The following NUP107 variants were observed in gnomAD, a reference collection of about 807,000 sequenced individuals.
The protein encoded by NUP107 is nuclear pore complex protein Nup107.
NUP107 carries 101 observed loss-of-function variants against 141.0 expected under a neutral mutation model. The ratio of observed to expected loss-of-function variants is 0.72; its 90% CI spans 0.61 to 0.84. The LOEUF (loss-of-function observed/expected upper bound fraction) is 0.84, where lower values mean the gene tolerates loss of function less well. Among genes scored for constraint, NUP107 ranks in the 40% least tolerant of loss-of-function variants. NUP107 has a pLI of 0.00. For synonymous variants in NUP107, 319 were observed against 363.9 expected (o/e 0.88, Z 1.41); for missense variants, 941 against 1,102.7 (o/e 0.85, Z 2.08).
chr12:68,687,200 TC>T, intron 1 of NUP107, 127 bp downstream of exon 1: 2 of 1,335,474 alleles, frequency 1.5e-6, no homozygotes, highest in Non-Finnish European at 2.1e-6. Flanking sequence ...TAAGGCTCCT[TC>T]CCCATGCCGG....
intron 10 of NUP107, among the ~76,000 whole-genome samples, chr12:68,711,440 A>G (rs925065615): frequency 1.3e-5 from 2 of 150,222 alleles, no homozygotes. Context: ...TTAAATACTG[A>G]TATGACAGGA....
intron 20 of NUP107, among the ~76,000 whole-genome samples, chr12:68,730,248 C>T (rs1015548167): frequency 1.7e-4 from 15 of 89,904 alleles, no homozygotes; most frequent in Non-Finnish European, 1.8e-4. Context: ...GAGAGTCTCA[C>T]TGTCACCCAG....
chr12:68,704,081 T>TA (rs1036905783), intron 8 of NUP107, among the ~76,000 whole-genome samples: 6 of 151,012 alleles, frequency 4.0e-5, no homozygotes, highest in Admixed American at 6.6e-5. Context: ...TTCTAAAAAA[T>TA]AAAAAAAAAG....
Position 68,743,053 on chromosome 12 carries a change from C to T in NUP107, c.*591C>T, listed in dbSNP as rs1878387191. On this transcript the variant is annotated 3_prime_UTR_variant, in exon 28 of 28. Coordinates refer to ENST00000229179, the MANE Select transcript of NUP107 (RefSeq NM_020401.4). ...AATATATTGGAGATTACAGATCCCG[C>T]TCTTCTAATAGGGGAAATACCATAA... is the stretch of plus-strand genomic sequence containing the variant. The T allele has an allele frequency of 6.6e-6, 1 of 152,202 alleles. No individual in the cohort carries two copies. The highest frequency in any genetic ancestry group is 2.4e-5 in the African/African-American group (1 of 41,424). 9.4% of individuals were successfully genotyped at this position (152,202 alleles called of 1,614,324 possible). A position where few individuals can be genotyped will look rare whatever the true frequency, so the allele number is the denominator to read the frequency against.
intron 5 of NUP107, among the ~76,000 whole-genome samples, chr12:68,696,440 C>T (rs778549659): frequency 1.3e-5 from 2 of 151,992 alleles, no homozygotes; most frequent in Admixed American, 6.6e-5. Flanking sequence ...AGGCTGGGTG[C>T]GGTGGCTCAC....
intron 11 of NUP107, among the ~76,000 whole-genome samples, chr12:68,715,346 T>C (rs1168961796): frequency 6.6e-6 from 1 of 151,988 alleles, no homozygotes; most frequent in Non-Finnish European, 1.5e-5. Flanking sequence ...ATACAAAAAT[T>C]AGCTGGGCGT....
intron 14 of NUP107, among the ~76,000 whole-genome samples, chr12:68,720,168 A>T (rs1364951957): frequency 2.0e-5 from 3 of 152,196 alleles, no homozygotes; most frequent in Non-Finnish European, 4.4e-5. Context: ...AGGGAAATGG[A>T]GTTAAGAGAA....
intron 17 of NUP107, 37 bp from the exon 18 acceptor site, chr12:68,725,690 T>G (rs771040584): frequency 9.6e-7 from 1 of 1,036,588 alleles, no homozygotes; most frequent in Non-Finnish European, 1.5e-6. Flanking sequence ...GAATGACTGC[T>G]AGAAGATTTA....
In NUP107 at chr12:68,690,724, G is replaced by T. The variant is rs1875743677; in HGVS notation, c.281G>T (p.Gly94Val). The change falls in exon 4 of 28, where the codon GGG (glycine) becomes GTG (valine). Residue 94 changes from glycine (G) to valine (V), a missense_variant. Physicochemically the swap from Gly to Val is moderately radical, Grantham distance 109 (BLOSUM62 -3). Transcript: ENST00000229179. ...TCGCCCCGACTTACGCAGTCTTCAG[G>T]GTTCTTTGGAAATCTCTCCATGGTA... ...GKSPRLTQSS[G>V]FFGNLSMVTN... 2 of 1,614,070 alleles carry T rather than the reference G, an allele frequency of 1.2e-6. No individual in the cohort carries two copies. Among genetic ancestry groups the T allele is most frequent in the Non-Finnish European group, 1.7e-6 (2 of 1,179,998 alleles).
chr12:68,735,840 G>C, intron 26 of NUP107, among the ~76,000 whole-genome samples: 1 of 152,100 alleles, frequency 6.6e-6, no homozygotes, highest in Non-Finnish European at 1.5e-5. Flanking sequence ...ATAATATATA[G>C]CCTGTGTTGA....
chr12:68,736,642 T>C (rs534449076), intron 26 of NUP107, among the ~76,000 whole-genome samples: 5 of 152,108 alleles, frequency 3.3e-5, no homozygotes, highest in Admixed American at 3.3e-4. Flanking sequence ...GTCTTGAACT[T>C]CTAGCCTCAA....
At chr12:68,692,405 C>G (rs1875844381) in intron 5 of NUP107, among the ~76,000 whole-genome samples, 2 of 151,922 alleles carry the variant, frequency 1.3e-5, no homozygotes, top group Admixed American at 1.3e-4. Flanking sequence ...ATGGTGAAAC[C>G]TCGTCTCTAC....
intron 1 of NUP107, 119 bp downstream of exon 1, chr12:68,687,192 A>G (rs1430176647): frequency 1.4e-6 from 2 of 1,392,638 alleles, no homozygotes; most frequent in African/African-American, 2.9e-5. Context: ...GCTTCCCCTA[A>G]GGCTCCTTCC....
At position 68,690,697 on chromosome 12, in the gene NUP107, A is replaced by G; in HGVS notation, c.254A>G (p.Lys85Arg). 1.2e-6 allele frequency: 2 copies of G among 1,614,186 alleles called. No individual in the cohort carries two copies. The highest frequency in any genetic ancestry group is 1.7e-6 in the Non-Finnish European group (2 of 1,180,012). ...TCCTGCATTCTTGGAACAGGAGGGA[A>G]GTCGCCCCGACTTACGCAGTCTTCA... ...DISCILGTGG[K>R]SPRLTQSSGF... Residue 85 changes from lysine to arginine, a missense_variant, in exon 4 of 28, where the codon AAG becomes AGG. Lys to Arg is a conservative substitution (Grantham distance 26, BLOSUM62 2). Coordinates refer to ENST00000229179, the MANE Select transcript of NUP107 (RefSeq NM_020401.4).
At chr12:68,727,744 C>A (rs1877625826) in intron 20 of NUP107, among the ~76,000 whole-genome samples, 1 of 152,040 alleles carries the variant, frequency 6.6e-6, no homozygotes, top group Non-Finnish European at 1.5e-5. Context: ...GCTCCAGGAC[C>A]CCCACATATA....
chr12:68,714,880 C>T (rs1168439075), intron 11 of NUP107, among the ~76,000 whole-genome samples: 1 of 152,168 alleles, frequency 6.6e-6, no homozygotes, highest in Non-Finnish European at 1.5e-5. Context: ...AGGCCCTCTT[C>T]CCATATGTTC....
intron 26 of NUP107, among the ~76,000 whole-genome samples, chr12:68,740,781 T>G (rs1440024071): frequency 1.3e-5 from 2 of 152,148 alleles, no homozygotes; most frequent in Admixed American, 1.3e-4. Flanking sequence ...CCCAGCACTT[T>G]GGGAGGCTGA....
At chr12:68,704,833 A>G (rs1876501000) in intron 8 of NUP107, among the ~76,000 whole-genome samples, 1 of 151,990 alleles carries the variant, frequency 6.6e-6, no homozygotes, top group African/African-American at 2.4e-5. Context: ...TATTTTATGT[A>G]TATCTGTTAG....
In NUP107 at chr12:68,713,789, G is replaced by A. The variant is rs766185011; in HGVS notation, c.950G>A (p.Arg317His). The A allele has an allele frequency of 1.9e-5, 30 of 1,609,606 alleles. No homozygotes were observed. In the African/African-American group the frequency reaches 2.1e-4, roughly 11 times the overall value. ...CTGACTTCTTACGTTGGAAGTGTTC[G>A]TCCGCTTGTCACTGAATTGGTAAAT... ...RQLTSYVGSV[R>H]PLVTELDPDA... Residue 317 changes from arginine (R) to histidine (H), a missense_variant, in exon 11 of 28, where the codon CGT becomes CAT. By Grantham distance (29) the Arg-to-His change is conservative. Coordinates refer to ENST00000229179, the MANE Select transcript of NUP107 (RefSeq NM_020401.4).
Sources: allele counts gnomAD v4.1 joint callset (sites outside exome capture counted in the v4.1 genomes callset), GRCh38; gene constraint gnomAD v4.1.1; transcripts MANE v1.5; gene names NCBI Gene and HGNC (gene_info 2026-07-23, HGNC 2026-07-21).